The following WDR72 variants were observed in gnomAD, a reference collection of about 807,000 sequenced individuals.
WDR72 encodes WD repeat domain 72, also known as WD repeat-containing protein 72.
A neutral mutation model predicts 124.2 loss-of-function variants in WDR72; 120 were observed. The observed-to-expected ratio is 0.97, with a 90% confidence interval of 0.83 to 1.12. The LOEUF (loss-of-function observed/expected upper bound fraction) is 1.12. Among genes scored for constraint, WDR72 ranks in the 50% most tolerant of loss-of-function variants. The pLI is 0.00. For missense variants in WDR72, 1,387 were observed against 1,278.8 expected (o/e 1.08, Z -1.29); for synonymous variants, 452 against 441.7 (o/e 1.02, Z -0.29).
At chr15:53,662,339 ATTTG>A (rs2015636162) in intron 14 of WDR72, among the ~76,000 whole-genome samples, 1 of 152,102 alleles carries the variant, frequency 6.6e-6, no homozygotes, top group African/African-American at 2.4e-5. Flanking sequence ...GTTTTGTTGT[ATTTG>A]TTTTTCTCTT....
intron 18 of WDR72, among the ~76,000 whole-genome samples, chr15:53,592,611 C>A (rs959606539): frequency 6.6e-6 from 1 of 151,950 alleles, no homozygotes; most frequent in African/African-American, 2.4e-5. Context: ...ATTTGCAATA[C>A]CCATATTTGA....
intron 15 of WDR72, 128 bp from the exon 16 acceptor site, chr15:53,613,885 A>G: frequency 3.2e-6 from 2 of 632,242 alleles, no homozygotes; most frequent in South Asian, 3.6e-5. Context: ...ATTTTTAGCA[A>G]TATCTTTCAC....
intron 12 of WDR72, among the ~76,000 whole-genome samples, chr15:53,700,989 T>C (rs933939258): frequency 2.6e-5 from 4 of 152,190 alleles, no homozygotes; most frequent in African/African-American, 7.2e-5. Context: ...TATGGAGAAA[T>C]AATGTTTATA....
chr15:53,708,812 C>T (rs562566290), intron 9 of WDR72, among the ~76,000 whole-genome samples: 1 of 152,136 alleles, frequency 6.6e-6, no homozygotes, highest in African/African-American at 2.4e-5. Context: ...GTGGCTGAGA[C>T]CCTGGGAAAA....
chr15:53,517,757 A>T lies in WDR72; in HGVS notation c.3254-3T>A. ...CCATGAATGATGCCTTGGCTCACCT[A>T]GGAAAAAAGCAGATATCTTGGGTTA... On this transcript the variant is annotated splice_region_variant and splice_polypyrimidine_tract_variant and intron_variant, in intron 19 of 19. Coordinates refer to ENST00000360509, the MANE Select transcript of WDR72 (RefSeq NM_182758.4). 1 of 1,612,846 alleles carries T rather than the reference A, an allele frequency of 6.2e-7. No individual in the cohort carries two copies. Among genetic ancestry groups the T allele is most frequent in the Non-Finnish European group, 8.5e-7 (1 of 1,179,110 alleles).
At chr15:53,728,328 C>T (rs895321823) in intron 2 of WDR72, among the ~76,000 whole-genome samples, 1 of 152,168 alleles carries the variant, frequency 6.6e-6, no homozygotes, top group Non-Finnish European at 1.5e-5. Context: ...AATTATCTAC[C>T]CCTGGGTTCT....
At chr15:53,689,906 G>A (rs1249675933) in intron 13 of WDR72, among the ~76,000 whole-genome samples, 2 of 151,636 alleles carry the variant, frequency 1.3e-5, no homozygotes, top group African/African-American at 4.9e-5. Flanking sequence ...ATGAGTTCAT[G>A]TCCTTTGTAG....
At chr15:53,646,147 GA>G (rs1355349133) in intron 14 of WDR72, among the ~76,000 whole-genome samples, 1 of 152,000 alleles carries the variant, frequency 6.6e-6, no homozygotes, top group African/African-American at 2.4e-5. Context: ...TGACTGCAAA[GA>G]AATTAATTTT....
intron 14 of WDR72, among the ~76,000 whole-genome samples, chr15:53,630,308 T>C (rs956070032): frequency 2.0e-5 from 3 of 152,134 alleles, no homozygotes; most frequent in African/African-American, 7.2e-5. Context: ...CAGTTCTTGA[T>C]AAATATGTCC....
At chr15:53,717,903 A>C (rs113410205) in intron 3 of WDR72, among the ~76,000 whole-genome samples, 1 of 152,234 alleles carries the variant, frequency 6.6e-6, no homozygotes, top group Non-Finnish European at 1.5e-5. Context: ...GGAGGAAAAA[A>C]TCTCTCTGTG....
chr15:53,663,115 T>TAAAA (rs1760045668), intron 14 of WDR72, among the ~76,000 whole-genome samples: 1 of 150,984 alleles, frequency 6.6e-6, no homozygotes, highest in Non-Finnish European at 1.5e-5. Context: ...AATAAATAAA[T>TAAAA]AAAACAATCT....
At position 53,742,322 on chromosome 15, in the gene WDR72, T is replaced by C. The variant is rs572732012; in HGVS notation, c.-12-9161A>G. Reference sequence around the variant, plus strand: ...AAACCATTTTATTAAAAACTCTCTATAGAATCTCTGTGGTGCGGAGGAGAA... The same window carrying C: ...AAACCATTTTATTAAAAACTCTCTACAGAATCTCTGTGGTGCGGAGGAGAA... On this transcript the variant is annotated intron_variant, in intron 1 of 19. Transcript: ENST00000360509. Among the ~76,000 whole-genome samples the C allele has an allele frequency of 3.3e-5, 5 of 152,312 alleles. No homozygotes were observed. In the East Asian group the frequency reaches 9.6e-4, roughly 29 times the overall value.
In WDR72 at chr15:53,706,335, T is replaced by TGC. The variant is rs1429060126; in HGVS notation, c.955-262_955-261insGC. On this transcript the variant is annotated intron_variant, in intron 9 of 19. Transcript: ENST00000360509. ...TTACTGACCATGTTATATGTGCGTG[T>TGC]GTGTGTGTGTGTGTGTATATATATA... Among the ~76,000 whole-genome samples, 369 of 31,268 alleles carry TGC rather than the reference T, an allele frequency of 0.012. 10 individuals are homozygous for TGC. The South Asian group carries it at 0.15, about 13-fold the overall frequency. The allele number at this position is 31,268 out of a possible 152,430, so 20.5% of individuals were successfully genotyped here.
At chr15:53,626,944 C>T (rs1041931272) in intron 14 of WDR72, among the ~76,000 whole-genome samples, 1 of 152,182 alleles carries the variant, frequency 6.6e-6, no homozygotes, top group African/African-American at 2.4e-5. Flanking sequence ...TACAGTAACA[C>T]TTAATATAAA....
intron 18 of WDR72, among the ~76,000 whole-genome samples, chr15:53,532,364 C>T (rs1892529298): frequency 6.6e-6 from 1 of 152,118 alleles, no homozygotes; most frequent in South Asian, 2.1e-4. Context: ...TAGCACTATT[C>T]ATGAAAGTCA....
chr15:53,713,774 T>G (rs1264363230), intron 6 of WDR72, among the ~76,000 whole-genome samples: 1 of 151,950 alleles, frequency 6.6e-6, no homozygotes, highest in Middle Eastern at 3.2e-3. Context: ...TTTGATTGCT[T>G]AAACAGAAAA....
At chr15:53,727,540 T>C (rs2018077699) in intron 2 of WDR72, among the ~76,000 whole-genome samples, 1 of 152,204 alleles carries the variant, frequency 6.6e-6, no homozygotes, top group African/African-American at 2.4e-5. Context: ...AAGTTCGCGC[T>C]ACCTTTTTCC....
intron 1 of WDR72, among the ~76,000 whole-genome samples, chr15:53,751,388 C>A (rs2018770229): frequency 6.6e-6 from 1 of 152,170 alleles, no homozygotes; most frequent in South Asian, 2.1e-4. Context: ...GGAGGCAAGA[C>A]CCTCCTCCAG....
intron 17 of WDR72, among the ~76,000 whole-genome samples, chr15:53,604,871 C>T (rs569910744): frequency 4.6e-5 from 7 of 152,148 alleles, no homozygotes; most frequent in East Asian, 1.9e-4. Flanking sequence ...AGAAAAGGAA[C>T]GCTTATACAT....
Sources: allele counts gnomAD v4.1 joint callset (sites outside exome capture counted in the v4.1 genomes callset), GRCh38; gene constraint gnomAD v4.1.1; transcripts MANE v1.5; gene names NCBI Gene and HGNC (gene_info 2026-07-23, HGNC 2026-07-21).